The following HS3ST1 variants were observed in gnomAD, a reference collection of about 807,000 sequenced individuals.
HS3ST1 encodes heparan sulfate-glucosamine 3-sulfotransferase 1.
In HS3ST1, 8 loss-of-function variants were observed where a neutral mutation model predicts 20.7. The observed-to-expected ratio is 0.39, with a 90% confidence interval of 0.23 to 0.70. HS3ST1 has a LOEUF of 0.70. Ranked by LOEUF, HS3ST1 falls within the 30% of genes least tolerant of loss-of-function variation. HS3ST1 has a pLI of 0.46. For missense variants in HS3ST1, 436 were observed against 423.4 expected (o/e 1.03, Z -0.26); for synonymous variants, 205 against 190.4 (o/e 1.08, Z -0.63).
chr4:11,418,295 C>T (rs1474312938), intron 1 of HS3ST1, among the ~76,000 whole-genome samples: 2 of 152,130 alleles, frequency 1.3e-5, no homozygotes, highest in Non-Finnish European at 2.9e-5. Flanking sequence ...TCAGGCTTAC[C>T]AGCAAGAAAA....
At chr4:11,423,463 A>G (rs1364485797) in intron 1 of HS3ST1, among the ~76,000 whole-genome samples, 1 of 152,198 alleles carries the variant, frequency 6.6e-6, no homozygotes, top group African/African-American at 2.4e-5. Context: ...TCTCCCCAGT[A>G]TCCTGATATT....
intron 1 of HS3ST1, among the ~76,000 whole-genome samples, chr4:11,412,407 A>T (rs73815980): frequency 1.7e-4 from 26 of 152,280 alleles, no homozygotes; most frequent in African/African-American, 5.5e-4. Context: ...GCTCTCTTGG[A>T]ATCCAGAATT....
At chr4:11,400,637 T>A (rs1228229530) in intron 1 of HS3ST1, among the ~76,000 whole-genome samples, 1 of 152,180 alleles carries the variant, frequency 6.6e-6, no homozygotes, top group Non-Finnish European at 1.5e-5. Context: ...TACTCACCAG[T>A]CCCTGGCAAA....
intron 1 of HS3ST1, chr4:11,414,185 T>G (rs1718707906): frequency 6.6e-6 from 1 of 152,248 alleles, no homozygotes; most frequent in African/African-American, 2.4e-5. Flanking sequence ...TATGTTGCTC[T>G]TTATTCTGTC....
chr4:11,404,994 A>G (rs1718426467), intron 1 of HS3ST1, among the ~76,000 whole-genome samples: 1 of 152,254 alleles, frequency 6.6e-6, no homozygotes, highest in African/African-American at 2.4e-5. Context: ...CAGTCTAAAC[A>G]AAGCCAGGAA....
At chr4:11,414,970 C>T (rs1232900593) in intron 1 of HS3ST1, among the ~76,000 whole-genome samples, 5 of 152,104 alleles carry the variant, frequency 3.3e-5, no homozygotes, top group Non-Finnish European at 5.9e-5. Flanking sequence ...AGGTCCCATC[C>T]CAAGGAACCC....
intron 1 of HS3ST1, among the ~76,000 whole-genome samples, chr4:11,427,833 A>C (rs1313270985): frequency 6.6e-6 from 1 of 152,220 alleles, no homozygotes; most frequent in Non-Finnish European, 1.5e-5. Context: ...TCTTCCCATC[A>C]TCCGCCTACG....
At chr4:11,422,089 G>A (rs140200720) in intron 1 of HS3ST1, among the ~76,000 whole-genome samples, 104 of 152,310 alleles carry the variant, frequency 6.8e-4, no homozygotes, top group South Asian at 5.8e-3. Flanking sequence ...TCAGCAAAGC[G>A]CTTGTATTAA....
chr4:11,421,460 A>C (rs1221818094), intron 1 of HS3ST1, among the ~76,000 whole-genome samples: 1 of 152,214 alleles, frequency 6.6e-6, no homozygotes, highest in Non-Finnish European at 1.5e-5. Flanking sequence ...ATTCCCTGCC[A>C]CACAAGTATG....
intron 1 of HS3ST1, among the ~76,000 whole-genome samples, chr4:11,400,675 G>A (rs1037493739): frequency 1.6e-4 from 25 of 152,146 alleles, no homozygotes; most frequent in Non-Finnish European, 3.4e-4. Context: ...AGCAGGCTTT[G>A]TTCCTGCCCC....
At chr4:11,427,383 G>A (rs1278891667) in intron 1 of HS3ST1, among the ~76,000 whole-genome samples, 2 of 152,100 alleles carry the variant, frequency 1.3e-5, no homozygotes, top group Non-Finnish European at 2.9e-5. Context: ...TGAGGGAGGA[G>A]AAGAGGGCGG....
intron 1 of HS3ST1, among the ~76,000 whole-genome samples, chr4:11,426,673 G>A (rs78180076): frequency 0.015 from 2,334 of 152,324 alleles, 46 homozygotes; most frequent in African/African-American, 0.054. Context: ...CTTCATCTAT[G>A]CTGCTGTTGT....
At chr4:11,424,361 C>G (rs1268456353) in intron 1 of HS3ST1, among the ~76,000 whole-genome samples, 6 of 152,168 alleles carry the variant, frequency 3.9e-5, no homozygotes, top group Non-Finnish European at 8.8e-5. Context: ...TAACTATTGA[C>G]AAACTACGGC....
chr4:11,411,556 G>A lies in HS3ST1; in HGVS notation c.-108-11443C>T, dbSNP rs573508207. On this transcript the variant is annotated intron_variant, in intron 1 of 1. Transcript: ENST00000002596. Reference sequence around the variant, plus strand: ...CTTGCTAATCTTGAAATATTTAAATGCCATGTAATCTATCCAGAGAAACAA... The same window carrying A: ...CTTGCTAATCTTGAAATATTTAAATACCATGTAATCTATCCAGAGAAACAA... 5.3e-5 allele frequency among the ~76,000 whole-genome samples: 8 copies of A among 152,162 alleles called. No homozygotes were observed. The South Asian group carries it at 1.7e-3, about 32-fold the overall frequency.
intron 1 of HS3ST1, among the ~76,000 whole-genome samples, chr4:11,403,859 C>T (rs1350610897): frequency 2.6e-5 from 4 of 152,168 alleles, no homozygotes; most frequent in Non-Finnish European, 5.9e-5. Context: ...TCAGTTTCCT[C>T]ATCTGTAAAA....
upstream of HS3ST1, among the ~76,000 whole-genome samples, chr4:11,432,566 T>C (rs1021580571): frequency 4.6e-5 from 7 of 152,216 alleles, no homozygotes; most frequent in African/African-American, 1.4e-4. Context: ...GTAAAACTTA[T>C]GAGAGCAGAT....
chr4:11,424,297 G>A (rs1719010400), intron 1 of HS3ST1, among the ~76,000 whole-genome samples: 1 of 152,196 alleles, frequency 6.6e-6, no homozygotes, highest in African/African-American at 2.4e-5. Flanking sequence ...TATGTTTAGA[G>A]TATTGCTTGG....
At chr4:11,410,718 C>T (rs974026257) in intron 1 of HS3ST1, among the ~76,000 whole-genome samples, 4 of 152,024 alleles carry the variant, frequency 2.6e-5, no homozygotes, top group Non-Finnish European at 4.4e-5. Context: ...ATGGTGAAAC[C>T]CTGTCTCTAC....
chr4:11,429,076 C>G (rs976910190), upstream of HS3ST1: 3 of 152,586 alleles, frequency 2.0e-5, no homozygotes, highest in Admixed American at 6.5e-5. Flanking sequence ...GTCCGGCCCG[C>G]TAGGTGCCTG....
Sources: gnomAD v4.1 joint callset for allele counts (sites outside exome capture counted in the v4.1 genomes callset) on GRCh38, gnomAD v4.1.1 for gene constraint, MANE v1.5 for transcripts, NCBI Gene and HGNC (gene_info 2026-07-23, HGNC 2026-07-21) for gene names.